CHRM3: variants seen among roughly 807,000 people sequenced by gnomAD.
CHRM3 encodes muscarinic acetylcholine receptor M3.
In CHRM3, 11 loss-of-function variants were observed where a neutral mutation model predicts 41.8. The observed-to-expected ratio is 0.26, with a 90% CI of 0.17 to 0.44. The LOEUF is 0.44. CHRM3 is among the 20% of genes least tolerant of loss of function. The pLI is 1.00. For missense variants in CHRM3, 571 were observed against 745.4 expected (o/e 0.77, Z 2.72); for synonymous variants, 297 against 301.4 (o/e 0.99, Z 0.15).
At chr1:239,674,458 T>C (rs544553457) in intron 4 of CHRM3, among the ~76,000 whole-genome samples, 2 of 152,024 alleles carry the variant, frequency 1.3e-5, no homozygotes, top group Non-Finnish European at 2.9e-5. Flanking sequence ...GCCTGTAATC[T>C]CAGCACTTTG....
intron 2 of CHRM3, among the ~76,000 whole-genome samples, chr1:239,494,011 C>T (rs1667724165): frequency 6.6e-6 from 1 of 152,036 alleles, no homozygotes; most frequent in Non-Finnish European, 1.5e-5. Flanking sequence ...GGCAATGTGC[C>T]CAGATTTGGT....
intron 2 of CHRM3, among the ~76,000 whole-genome samples, chr1:239,516,022 GCTTTCT>G (rs1264736926): frequency 3.9e-5 from 6 of 152,046 alleles, no homozygotes; most frequent in Non-Finnish European, 5.9e-5. Context: ...ACTAATGACT[GCTTTCT>G]CTTTCTCTTT....
intron 1 of CHRM3, among the ~76,000 whole-genome samples, chr1:239,412,164 G>C (rs73114758): frequency 0.098 from 14,377 of 147,074 alleles, 995 homozygotes; most frequent in African/African-American, 0.2. Flanking sequence ...ATTATTTTTT[G>C]GTTTTATTGA....
intron 2 of CHRM3, among the ~76,000 whole-genome samples, chr1:239,502,404 A>T (rs1373156506): frequency 6.6e-6 from 1 of 152,276 alleles, no homozygotes; most frequent in Admixed American, 6.5e-5. Flanking sequence ...TACTCTGAAC[A>T]GACCAATAAC....
At chr1:239,521,688 G>A (rs1360574042) in intron 2 of CHRM3, among the ~76,000 whole-genome samples, 1 of 152,090 alleles carries the variant, frequency 6.6e-6, no homozygotes, top group Non-Finnish European at 1.5e-5. Flanking sequence ...GTGCACATAG[G>A]AGAGGGAGGT....
intron 3 of CHRM3, among the ~76,000 whole-genome samples, chr1:239,613,250 C>A (rs1239417294): frequency 6.6e-6 from 1 of 152,162 alleles, no homozygotes; most frequent in Non-Finnish European, 1.5e-5. Context: ...TGTGCACAAG[C>A]AAAGGCCAAA....
chr1:239,492,738 A>G lies in CHRM3; in HGVS notation c.-491A>G, dbSNP rs986354646. On this transcript the variant is annotated 5_prime_UTR_variant, in exon 2 of 7. Coordinates refer to ENST00000676153, the MANE Select transcript of CHRM3 (RefSeq NM_001375978.1). The stretch of plus-strand genomic sequence containing the variant: ...AAGGACTTTGCTGCTTTGGGCCAGG[A>G]TCTGAACTTAGGTGTAAACCATTGC... 1 of 152,238 alleles carries G rather than the reference A, an allele frequency of 6.6e-6. No individual in the cohort carries two copies. Among genetic ancestry groups the G allele is most frequent in the Admixed American group, 6.5e-5 (1 of 15,280 alleles). The allele number at this position is 152,238 out of a possible 1,614,324, so 9.4% of individuals were successfully genotyped here. A position where few individuals can be genotyped will look rare whatever the true frequency, so the allele number is the denominator to read the frequency against.
chr1:239,868,344 C>T (rs999698101), intron 6 of CHRM3, among the ~76,000 whole-genome samples: 5 of 152,294 alleles, frequency 3.3e-5, no homozygotes, highest in Admixed American at 1.3e-4. Flanking sequence ...CACATTTACT[C>T]GTTCACATGG....
chr1:239,410,355 C>T (rs1384192699), intron 1 of CHRM3, among the ~76,000 whole-genome samples: 1 of 152,094 alleles, frequency 6.6e-6, no homozygotes, highest in African/African-American at 2.4e-5. Context: ...ATTTTAATAC[C>T]ATACATATAC....
At chr1:239,814,704 G>T (rs1174960303) in intron 5 of CHRM3, among the ~76,000 whole-genome samples, 1 of 152,148 alleles carries the variant, frequency 6.6e-6, no homozygotes, top group Non-Finnish European at 1.5e-5. Context: ...CCAGCAAGTG[G>T]CTGCTGAGGG....
At chr1:239,700,561 G>A (rs1558466975) in intron 5 of CHRM3, among the ~76,000 whole-genome samples, 1 of 152,030 alleles carries the variant, frequency 6.6e-6, no homozygotes, top group Non-Finnish European at 1.5e-5. Flanking sequence ...TATCAAACAA[G>A]CCTTTTCCTA....
chr1:239,751,028 G>C (rs949950929), intron 5 of CHRM3, among the ~76,000 whole-genome samples: 9 of 152,028 alleles, frequency 5.9e-5, no homozygotes, highest in African/African-American at 1.7e-4. Flanking sequence ...CAGAGTTTGA[G>C]ACCAGTCTAG....
intron 1 of CHRM3, among the ~76,000 whole-genome samples, chr1:239,468,100 G>T (rs1002170278): frequency 6.6e-6 from 1 of 152,098 alleles, no homozygotes; most frequent in Non-Finnish European, 1.5e-5. Context: ...CTTGTGAAAG[G>T]CATATATAAA....
At chr1:239,592,735 G>A (rs929679609) in intron 3 of CHRM3, among the ~76,000 whole-genome samples, 1 of 152,012 alleles carries the variant, frequency 6.6e-6, no homozygotes, top group Non-Finnish European at 1.5e-5. Flanking sequence ...TCATCAGTTG[G>A]TGGGCATTTG....
At chr1:239,398,927 A>C (rs998246207) in intron 1 of CHRM3, among the ~76,000 whole-genome samples, 3 of 152,204 alleles carry the variant, frequency 2.0e-5, no homozygotes, top group Non-Finnish European at 4.4e-5. Flanking sequence ...TTATACCCAC[A>C]AAAAAATGCC....
intron 1 of CHRM3, among the ~76,000 whole-genome samples, chr1:239,415,406 C>T: frequency 6.6e-6 from 1 of 152,122 alleles, no homozygotes; most frequent in East Asian, 1.9e-4. Flanking sequence ...TGCCACTGTG[C>T]TCCAGCCTGG....
chr1:239,517,369 C>A (rs1378219561), intron 2 of CHRM3, among the ~76,000 whole-genome samples: 2 of 152,142 alleles, frequency 1.3e-5, no homozygotes, highest in Non-Finnish European at 2.9e-5. Context: ...AAACAGCTTG[C>A]CCAAATTCAC....
chr1:239,851,877 G>T (rs1674726889), intron 6 of CHRM3, among the ~76,000 whole-genome samples: 1 of 152,042 alleles, frequency 6.6e-6, no homozygotes. Flanking sequence ...TCATCTCGTA[G>T]AACTGGGCTT....
intron 3 of CHRM3, among the ~76,000 whole-genome samples, chr1:239,603,538 A>G (rs1428975769): frequency 1.3e-5 from 2 of 152,118 alleles, no homozygotes; most frequent in African/African-American, 2.4e-5. Flanking sequence ...CAAACTAAGT[A>G]AGAATGTATA....
Sources: allele counts gnomAD v4.1 joint callset (sites outside exome capture counted in the v4.1 genomes callset), GRCh38; gene constraint gnomAD v4.1.1; transcripts MANE v1.5; gene names NCBI Gene and HGNC (gene_info 2026-07-23, HGNC 2026-07-21).